SLIT2: variants seen among roughly 807,000 people sequenced by gnomAD.
SLIT2 encodes the protein slit guidance ligand 2.
In SLIT2, 41 loss-of-function variants were observed where a neutral mutation model predicts 185.7. The observed-to-expected ratio is 0.22, with a 90% CI of 0.17 to 0.29. The LOEUF (loss-of-function observed/expected upper bound fraction) is 0.29, where lower values mean the gene tolerates loss of function less well. Among genes scored for constraint, SLIT2 ranks in the 10% least tolerant of loss-of-function variants. The probability of loss-of-function intolerance (pLI) is 1.00; values close to 1 mark genes in which losing one functional copy is unlikely to be tolerated. For missense variants in SLIT2, 1,571 were observed against 1,909.0 expected (o/e 0.82, Z 3.30); for synonymous variants, 693 against 680.2 (o/e 1.02, Z -0.29).
At chr4:20,607,772 C>G (rs1728900997) in intron 33 of SLIT2, among the ~76,000 whole-genome samples, 1 of 151,992 alleles carries the variant, frequency 6.6e-6, no homozygotes, top group African/African-American at 2.4e-5. Context: ...CTTTTCTTTG[C>G]AATTTTAAAG....
At chr4:20,325,002 G>A (rs2109179024) in intron 4 of SLIT2, among the ~76,000 whole-genome samples, 1 of 152,142 alleles carries the variant, frequency 6.6e-6, no homozygotes, top group Non-Finnish European at 1.5e-5. Context: ...AAAAGCCATA[G>A]GAAGTCAGGC....
chr4:20,450,290 C>T (rs1327588041), intron 4 of SLIT2, among the ~76,000 whole-genome samples: 15 of 152,216 alleles, frequency 9.9e-5, no homozygotes, highest in Non-Finnish European at 7.3e-5. Flanking sequence ...CCTATTCCAA[C>T]TGCCTTAGCC....
chr4:20,595,707 A>G lies in SLIT2; in HGVS notation c.3193A>G (p.Thr1065Ala), dbSNP rs775935827. Reference sequence around the variant, plus strand: ...TGCTTGTTCCAACAGATGTGACTGCACACCAGGGTACGTAGGTGAACACTG... The same window carrying G: ...TGCTTGTTCCAACAGATGTGACTGCGCACCAGGGTACGTAGGTGAACACTG... ...LTPKGFKCDCTPGYVGEHCDI... is the reference protein window; with the variant it reads ...LTPKGFKCDCAPGYVGEHCDI... Residue 1065 changes from threonine (T) to alanine (A), a missense_variant, in exon 31 of 37, where the codon ACA (threonine) becomes GCA (alanine). Transcript: ENST00000504154. 11 of 1,614,088 alleles carry G rather than the reference A, an allele frequency of 6.8e-6. No homozygotes were observed. Among genetic ancestry groups the G allele is most frequent in the Non-Finnish European group, 9.3e-6 (11 of 1,179,944 alleles).
chr4:20,357,881 G>A (rs150475529), intron 4 of SLIT2, among the ~76,000 whole-genome samples: 1 of 151,884 alleles, frequency 6.6e-6, no homozygotes, highest in African/African-American at 2.4e-5. Flanking sequence ...AGACTACATT[G>A]GTTATTAGAT....
chr4:20,472,466 CTA>C lies in SLIT2; in HGVS notation c.467+4650_467+4651del, dbSNP rs1221168285. ...TATATCTATATAGATATATCTATAT[CTA>C]TATATAGATATATATCTATATATAG... On this transcript the variant is annotated intron_variant, in intron 5 of 36. Transcript: ENST00000504154. 3.7e-4 allele frequency among the ~76,000 whole-genome samples: 10 copies of C among 26,676 alleles called. 1 individual carries two copies. The highest frequency in any genetic ancestry group is 6.5e-4 in the African/African-American group (4 of 6,122). 17.5% of individuals were successfully genotyped at this position (26,676 alleles called of 152,430 possible).
intron 26 of SLIT2, among the ~76,000 whole-genome samples, chr4:20,559,637 T>C (rs549983380): frequency 8.6e-5 from 13 of 152,036 alleles, no homozygotes; most frequent in African/African-American, 3.1e-4. Flanking sequence ...TAGATTTTTA[T>C]CTCTTTTAAT....
chr4:20,454,367 T>C (rs978999462), intron 4 of SLIT2, among the ~76,000 whole-genome samples: 4 of 152,210 alleles, frequency 2.6e-5, no homozygotes, highest in Non-Finnish European at 5.9e-5. Flanking sequence ...ATTATTTACC[T>C]GGATATAGGA....
intron 4 of SLIT2, among the ~76,000 whole-genome samples, chr4:20,442,740 C>T (rs1420037572): frequency 6.6e-6 from 1 of 152,038 alleles, no homozygotes; most frequent in African/African-American, 2.4e-5. Flanking sequence ...TGAGATTTAC[C>T]TTGAGAGTAA....
At chr4:20,293,757 T>C (rs1716196934) in intron 4 of SLIT2, among the ~76,000 whole-genome samples, 1 of 152,094 alleles carries the variant, frequency 6.6e-6, no homozygotes, top group Non-Finnish European at 1.5e-5. Context: ...CTTAGAAACT[T>C]AGGTGAAGAG....
chr4:20,290,649 G>T (rs1237575403), intron 4 of SLIT2, among the ~76,000 whole-genome samples: 3 of 151,916 alleles, frequency 2.0e-5, no homozygotes, highest in Admixed American at 6.6e-5. Flanking sequence ...ACAGGGGTGG[G>T]TTTTCACTCA....
chr4:20,518,823 G>A (rs1444439310), intron 11 of SLIT2, among the ~76,000 whole-genome samples: 868 of 119,838 alleles, frequency 7.2e-3, no homozygotes, highest in Middle Eastern at 0.057. Flanking sequence ...AGCCAGGATG[G>A]TCTCGATCTC....
At chr4:20,282,049 C>T (rs1379719756) in intron 4 of SLIT2, among the ~76,000 whole-genome samples, 2 of 152,146 alleles carry the variant, frequency 1.3e-5, no homozygotes, top group Admixed American at 6.5e-5. Context: ...CTTTCTGTTG[C>T]CGTAAAATGG....
intron 4 of SLIT2, among the ~76,000 whole-genome samples, chr4:20,371,598 G>T (rs954328132): frequency 6.6e-6 from 1 of 151,950 alleles, no homozygotes; most frequent in Non-Finnish European, 1.5e-5. Context: ...CAGGCTTCCT[G>T]TGCCTAAGTT....
At chr4:20,589,811 C>T in intron 30 of SLIT2, 74 bp downstream of exon 30, 1 of 938,732 alleles carries the variant, frequency 1.1e-6, no homozygotes, top group East Asian at 2.6e-5. Flanking sequence ...TCTCCTCCTT[C>T]ATCCTTAGCT....
intron 9 of SLIT2, among the ~76,000 whole-genome samples, chr4:20,496,253 TCTG>T (rs1359778221): frequency 9.9e-6 from 1 of 101,504 alleles, no homozygotes; most frequent in African/African-American, 4.1e-5. Flanking sequence ...AATTCATACT[TCTG>T]CTATTTGGTA....
chr4:20,280,281 C>T (rs550422333), intron 4 of SLIT2, among the ~76,000 whole-genome samples: 17 of 147,878 alleles, frequency 1.1e-4, no homozygotes, highest in South Asian at 6.4e-4. Context: ...TGCAGTGAGC[C>T]GAGACCGCAT....
At chr4:20,439,316 T>G (rs1016320179) in intron 4 of SLIT2, among the ~76,000 whole-genome samples, 1 of 152,192 alleles carries the variant, frequency 6.6e-6, no homozygotes, top group African/African-American at 2.4e-5. Flanking sequence ...ATTTATTGTC[T>G]CACAGTTCTG....
At chr4:20,480,440 G>T (rs1181810024) in intron 5 of SLIT2, among the ~76,000 whole-genome samples, 1 of 152,154 alleles carries the variant, frequency 6.6e-6, no homozygotes, top group Non-Finnish European at 1.5e-5. Context: ...TTGATCTAAT[G>T]AAATTGCATT....
chr4:20,573,938 T>TTTTTTTTATTTATTTATTTA (rs138792373), intron 29 of SLIT2, among the ~76,000 whole-genome samples: 1 of 140,718 alleles, frequency 7.1e-6, no homozygotes, highest in Non-Finnish European at 1.5e-5. Flanking sequence ...CATAGAATTA[T>TTTTTTTTATTTATTTATTTA]TTTATTTATT....
Sources: gnomAD v4.1 joint callset for allele counts (sites outside exome capture counted in the v4.1 genomes callset) on GRCh38, gnomAD v4.1.1 for gene constraint, MANE v1.5 for transcripts, NCBI Gene and HGNC (gene_info 2026-07-23, HGNC 2026-07-21) for gene names.